The following PROCR variants were observed in gnomAD, a reference collection of about 807,000 sequenced individuals.
PROCR encodes endothelial protein C receptor.
A neutral mutation model predicts 24.2 loss-of-function variants in PROCR; 22 were observed. The observed-to-expected ratio is 0.91, with a 90% CI of 0.65 to 1.30. The LOEUF (loss-of-function observed/expected upper bound fraction) is 1.30, where lower values mean the gene tolerates loss of function less well. Among genes scored for constraint, PROCR ranks in the 50% most tolerant of loss-of-function variants. The pLI is 0.00. For missense variants in PROCR, 288 were observed against 307.7 expected (o/e 0.94, Z 0.48); for synonymous variants, 137 against 139.2 (o/e 0.98, Z 0.11).
intron 1 of PROCR, among the ~76,000 whole-genome samples, chr20:35,200,035 G>A (rs1363831994): frequency 6.6e-6 from 1 of 152,272 alleles, no homozygotes; most frequent in East Asian, 1.9e-4. Context: ...TAAAAGTGAA[G>A]CCTGCAAATG....
intron 1 of PROCR, among the ~76,000 whole-genome samples, chr20:35,205,290 T>TAATAAA (rs2060333849): frequency 1.4e-5 from 2 of 145,940 alleles, no homozygotes; most frequent in Admixed American, 7.0e-5. Flanking sequence ...ATAATAATAA[T>TAATAAA]AAATAAATGA....
At chr20:35,211,230 G>A (rs1194802994) in intron 1 of PROCR, among the ~76,000 whole-genome samples, 2 of 152,202 alleles carry the variant, frequency 1.3e-5, no homozygotes. Flanking sequence ...AGGACTGGGG[G>A]CAATCTGAAA....
At chr20:35,204,511 A>C (rs921949789) in intron 1 of PROCR, among the ~76,000 whole-genome samples, 128 of 151,696 alleles carry the variant, frequency 8.4e-4, no homozygotes, top group Admixed American at 6.7e-3. Flanking sequence ...ATCACAGCTC[A>C]CTGCAGCCAA....
chr20:35,215,896 TCTA>T, exon 2 of PROCR: 2 of 985,362 alleles, frequency 2.0e-6, no homozygotes, highest in Middle Eastern at 5.2e-4. Flanking sequence ...CTTTCAGATC[TCTA>T]CTAAGAATGT....
At chr20:35,193,364 C>T (rs927527792) in intron 1 of PROCR, among the ~76,000 whole-genome samples, 3 of 152,024 alleles carry the variant, frequency 2.0e-5, no homozygotes, top group Admixed American at 6.6e-5. Flanking sequence ...TTAGTAGAGA[C>T]GGGGTTTCAC....
downstream of PROCR, chr20:35,177,483 C>G (rs940254512): frequency 6.2e-5 from 50 of 805,268 alleles, no homozygotes; most frequent in African/African-American, 1.2e-3. Context: ...GAGTCTTGCT[C>G]TGTTGCCTAG....
intron 1 of PROCR, among the ~76,000 whole-genome samples, chr20:35,184,679 G>A (rs2086107914): frequency 1.3e-5 from 2 of 152,204 alleles, no homozygotes; most frequent in South Asian, 2.1e-4. Context: ...CAGCCTGGGT[G>A]ACAGAGCGAG....
At chr20:35,195,703 C>T (rs550182444) in intron 1 of PROCR, among the ~76,000 whole-genome samples, 162 of 151,414 alleles carry the variant, frequency 1.1e-3, no homozygotes, top group African/African-American at 3.8e-3. Context: ...TGCCTATAAT[C>T]CCAGCTACTC....
chr20:35,176,790 T>C lies in PROCR; in HGVS notation c.694T>C (p.Cys232Arg), dbSNP rs1388488537. ...TGGTGTGGCTGTAGGCATCTTCCTG[T>C]GCACAGGTGGACGGCGATGTTAATT... ...IAGVAVGIFL[C>R]TGGRRC Residue 232 changes from cysteine to arginine, a missense_variant, in exon 4 of 4, where the codon TGC (cysteine) becomes CGC (arginine). Coordinates refer to ENST00000216968, the MANE Select transcript of PROCR (RefSeq NM_006404.5). The C allele has an allele frequency of 6.2e-7, 1 of 1,614,060 alleles. No homozygotes were observed. Among genetic ancestry groups the C allele is most frequent in the Non-Finnish European group, 8.5e-7 (1 of 1,180,002 alleles).
chr20:35,176,017 A>G, intron 2 of PROCR, 151 bp from the exon 3 acceptor site: 2 of 858,314 alleles, frequency 2.3e-6, no homozygotes, highest in Non-Finnish European at 3.8e-6. Context: ...TCACAGCCCC[A>G]GGCCCTTCTC....
At chr20:35,190,901 C>A (rs2086168074) in intron 1 of PROCR, among the ~76,000 whole-genome samples, 1 of 152,122 alleles carries the variant, frequency 6.6e-6, no homozygotes, top group Admixed American at 6.6e-5. Flanking sequence ...CGCTCCGTCG[C>A]CAGGCTGGAG....
chr20:35,202,699 G>A (rs1317952645), intron 1 of PROCR: 4 of 151,894 alleles, frequency 2.6e-5, no homozygotes, highest in East Asian at 1.9e-4. Context: ...CAAAATAAAT[G>A]AAGCAAAAAT....
At position 35,176,174 on chromosome 20, in the gene PROCR, T is replaced by C; in HGVS notation, c.329T>C (p.Leu110Pro). 6.2e-7 allele frequency: 1 copy of C among 1,614,040 alleles called. No individual in the cohort carries two copies. ...VHQERTLAFP[L>P]TIRCFLGCEL... ...CCTGACTGTCTATCCACAGTTCCTC[T>C]GACCATCCGCTGCTTCCTGGGCTGT... Residue 110 changes from leucine (L) to proline (P), a missense_variant, in exon 3 of 4, where the codon CTG becomes CCG. Coordinates refer to ENST00000216968, the MANE Select transcript of PROCR (RefSeq NM_006404.5).
chr20:35,202,741 A>C (rs1402610207), intron 1 of PROCR: 2 of 152,326 alleles, frequency 1.3e-5, no homozygotes, highest in South Asian at 2.1e-4. Context: ...GGAAAAATCC[A>C]CAGTCATAAC....
chr20:35,206,680 A>G (rs1417437028), intron 1 of PROCR, among the ~76,000 whole-genome samples: 4 of 152,096 alleles, frequency 2.6e-5, no homozygotes, highest in Admixed American at 2.6e-4. Flanking sequence ...ACCTATTGAA[A>G]TTGAAAAAAA....
chr20:35,185,815 C>A (rs925243440), intron 1 of PROCR, among the ~76,000 whole-genome samples: 1 of 152,096 alleles, frequency 6.6e-6, no homozygotes, highest in Non-Finnish European at 1.5e-5. Context: ...TGCCACAAAT[C>A]TCCACCAAAC....
chr20:35,206,158 C>T (rs1274926028), intron 1 of PROCR, among the ~76,000 whole-genome samples: 1 of 151,618 alleles, frequency 6.6e-6, no homozygotes, highest in African/African-American at 2.4e-5. Context: ...AGGCATGAGC[C>T]ACTGTGCCTG....
intron 1 of PROCR, among the ~76,000 whole-genome samples, chr20:35,200,735 C>A (rs6142322): frequency 0.41 from 62,308 of 152,006 alleles, 13,475 homozygotes; most frequent in East Asian, 0.64. Context: ...CAATATGCAC[C>A]TCCTGGGTTC....
At chr20:35,190,461 C>T (rs961170452) in intron 1 of PROCR, among the ~76,000 whole-genome samples, 1 of 152,172 alleles carries the variant, frequency 6.6e-6, no homozygotes, top group Non-Finnish European at 1.5e-5. Flanking sequence ...CACAACCTTG[C>T]CCCCTTTTCC....
Sources: allele counts gnomAD v4.1 joint callset (sites outside exome capture counted in the v4.1 genomes callset), GRCh38; gene constraint gnomAD v4.1.1; transcripts MANE v1.5; gene names NCBI Gene and HGNC (gene_info 2026-07-23, HGNC 2026-07-21).